The following ZCWPW2 variants were observed in gnomAD, a reference collection of about 807,000 sequenced individuals.
ZCWPW2 encodes zinc finger CW-type PWWP domain protein 2.
In ZCWPW2, 45 loss-of-function variants were observed where a neutral mutation model predicts 46.6. The observed-to-expected ratio is 0.96, with a 90% CI of 0.76 to 1.24. The LOEUF is 1.24. Ranked by LOEUF, ZCWPW2 falls within the 50% of genes most tolerant of loss-of-function variation. The pLI is 0.00. For synonymous variants in ZCWPW2, 152 were observed against 137.1 expected (o/e 1.11, Z -0.76); for missense variants, 429 against 403.9 (o/e 1.06, Z -0.53).
rs56760870 is a variant in ZCWPW2 at position 28,498,238 on chromosome 3, CGTGTGTGTGT to C, written c.657+6090_657+6099del. Among the ~76,000 whole-genome samples, 160 of 145,570 alleles carry C rather than the reference CGTGTGTGTGT, an allele frequency of 1.1e-3. 1 individual carries two copies. Among genetic ancestry groups the C allele is most frequent in the African/African-American group, 3.5e-3 (140 of 39,550 alleles). On this transcript the variant is annotated intron_variant, in intron 6 of 9. Transcript: ENST00000383768. The stretch of plus-strand genomic sequence containing the variant: ...GTATATATATTTATATACATATATA[CGTGTGTGTGT>C]GTGTGTGTGTGTGTGTGTGTGTGTA...
rs542712971 is a variant in ZCWPW2, at chr3:28,524,388, A to G, written c.910-139A>G. The G allele has an allele frequency of 4.9e-6, 4 of 808,780 alleles. No individual in the cohort carries two copies. In the South Asian group the frequency reaches 7.1e-5, roughly 14 times the overall value. The allele number at this position is 808,780 out of a possible 1,614,324, so 50.1% of individuals were successfully genotyped here. On this transcript the variant is annotated intron_variant, in intron 9 of 9. Coordinates refer to ENST00000383768, the MANE Select transcript of ZCWPW2 (RefSeq NM_001040432.4). ...ACATTCATCCTGCATTATACTATAT[A>G]TAGTGATTATTATTTGAACACTAGA... is the stretch of plus-strand genomic sequence containing the variant.
intron 6 of ZCWPW2, among the ~76,000 whole-genome samples, chr3:28,512,669 C>T (rs997143055): frequency 6.6e-6 from 1 of 152,214 alleles, no homozygotes; most frequent in Non-Finnish European, 1.5e-5. Flanking sequence ...GCGATCTCAT[C>T]AAATCTACCT....
chr3:28,431,479 G>A (rs1697256933), intron 3 of ZCWPW2, among the ~76,000 whole-genome samples: 1 of 151,882 alleles, frequency 6.6e-6, no homozygotes, highest in African/African-American at 2.4e-5. Context: ...TTCTGTGCAT[G>A]TCTGTCTTCA....
chr3:28,431,704 G>A (rs1229771740), intron 3 of ZCWPW2, among the ~76,000 whole-genome samples: 7 of 152,152 alleles, frequency 4.6e-5, no homozygotes, highest in Admixed American at 3.9e-4. Context: ...AACCAAAAAT[G>A]TGTAAAGTAT....
At chr3:28,483,720 G>A (rs2125809122) in intron 5 of ZCWPW2, among the ~76,000 whole-genome samples, 1 of 151,960 alleles carries the variant, frequency 6.6e-6, no homozygotes, top group East Asian at 1.9e-4. Context: ...ATTTATGCTT[G>A]ACTAATTCAC....
intron 1 of ZCWPW2, among the ~76,000 whole-genome samples, chr3:28,369,058 G>A (rs906315252): frequency 1.3e-5 from 2 of 151,994 alleles, no homozygotes; most frequent in East Asian, 1.9e-4. Flanking sequence ...TTAGCCATTC[G>A]TCTAATTTTT....
In ZCWPW2 at chr3:28,348,942, ACT is replaced by A. The variant is rs1491403414; in HGVS notation, c.-393_-392del. 2.0e-6 allele frequency: 2 copies of A among 984,938 alleles called. No individual in the cohort carries two copies. Among genetic ancestry groups the A allele is most frequent in the African/African-American group, 3.5e-5 (2 of 57,184 alleles). The allele number at this position is 984,938 out of a possible 1,614,324, so 61.0% of individuals were successfully genotyped here. On this transcript the variant is annotated 5_prime_UTR_variant, in exon 1 of 10. Transcript: ENST00000383768. Reference sequence around the variant, plus strand: ...AGCACGGGCCGGAGGGAGGGGAAGCACTCCGGAAAGTGATTGGAAGTGTGGAT... The same window carrying A: ...AGCACGGGCCGGAGGGAGGGGAAGCACCGGAAAGTGATTGGAAGTGTGGAT...
At chr3:28,514,003 AT>A in intron 6 of ZCWPW2, 60 bp from the exon 7 acceptor site, 1 of 1,359,302 alleles carries the variant, frequency 7.4e-7, no homozygotes, top group Non-Finnish European at 9.8e-7. Context: ...GGGACCCATT[AT>A]TTTACTGAGC....
chr3:28,435,642 T>C (rs1172232533), intron 4 of ZCWPW2, among the ~76,000 whole-genome samples: 2 of 151,950 alleles, frequency 1.3e-5, no homozygotes, highest in Non-Finnish European at 2.9e-5. Flanking sequence ...CCCGCCACCA[T>C]GCACGGCTAA....
intron 4 of ZCWPW2, chr3:28,478,363 C>T: frequency 7.5e-6 from 2 of 267,428 alleles, no homozygotes; most frequent in South Asian, 6.5e-5. Flanking sequence ...CCTACCTCAG[C>T]CTCCCAAGTA....
chr3:28,503,311 G>C (rs959765541), intron 6 of ZCWPW2, among the ~76,000 whole-genome samples: 4 of 152,040 alleles, frequency 2.6e-5, no homozygotes, highest in African/African-American at 9.7e-5. Context: ...TGGACCTAAG[G>C]TTGTGGTATG....
chr3:28,349,983 C>T (rs1704478561), intron 1 of ZCWPW2, among the ~76,000 whole-genome samples: 1 of 152,062 alleles, frequency 6.6e-6, no homozygotes, highest in South Asian at 2.1e-4. Context: ...GAACAAAGAC[C>T]ACAAGTTGAA....
intron 4 of ZCWPW2, among the ~76,000 whole-genome samples, chr3:28,447,459 AT>A (rs1344149106): frequency 6.6e-6 from 1 of 151,988 alleles, no homozygotes; most frequent in Admixed American, 6.6e-5. Flanking sequence ...ACCTTTCATG[AT>A]TTAAAAAAAA....
chr3:28,449,924 A>T (rs1698157778), intron 4 of ZCWPW2, among the ~76,000 whole-genome samples: 1 of 152,198 alleles, frequency 6.6e-6, no homozygotes, highest in African/African-American at 2.4e-5. Context: ...GATTTAGTGT[A>T]GTGTTTTAGT....
At chr3:28,391,341 C>G (rs184589377) in intron 2 of ZCWPW2, among the ~76,000 whole-genome samples, 49 of 150,828 alleles carry the variant, frequency 3.2e-4, no homozygotes, top group African/African-American at 1.2e-3. Context: ...TTCCATCAGT[C>G]CCCTCTCCCT....
intron 1 of ZCWPW2, among the ~76,000 whole-genome samples, chr3:28,369,669 T>G (rs946937757): frequency 1.1e-4 from 16 of 152,210 alleles, no homozygotes; most frequent in African/African-American, 3.6e-4. Flanking sequence ...GGGGAACCAC[T>G]ACTCTCTTCA....
chr3:28,442,552 G>A (rs749832287), intron 4 of ZCWPW2, among the ~76,000 whole-genome samples: 2 of 152,186 alleles, frequency 1.3e-5, no homozygotes, highest in Non-Finnish European at 2.9e-5. Context: ...CTTGAGGTGC[G>A]ACAGTAAAAG....
At chr3:28,397,188 T>A (rs1343708657) in intron 2 of ZCWPW2, among the ~76,000 whole-genome samples, 1 of 152,182 alleles carries the variant, frequency 6.6e-6, no homozygotes, top group Non-Finnish European at 1.5e-5. Context: ...ATTTTACCTT[T>A]TTGGGTACAT....
intron 5 of ZCWPW2, among the ~76,000 whole-genome samples, chr3:28,489,476 A>G (rs1699723889): frequency 6.6e-6 from 1 of 151,998 alleles, no homozygotes; most frequent in Non-Finnish European, 1.5e-5. Flanking sequence ...ACACGCTGAT[A>G]TTTTATTATT....
Sources: gnomAD v4.1 joint callset for allele counts (sites outside exome capture counted in the v4.1 genomes callset) on GRCh38, gnomAD v4.1.1 for gene constraint, MANE v1.5 for transcripts, NCBI Gene and HGNC (gene_info 2026-07-23, HGNC 2026-07-21) for gene names.